Variants in CHADL observed in about 807,000 individuals in gnomAD.
CHADL encodes chondroadherin-like protein.
CHADL carries 48 observed loss-of-function variants against 52.1 expected under a neutral mutation model. The ratio of observed to expected loss-of-function variants is 0.92; its 90% CI spans 0.73 to 1.17. The LOEUF (loss-of-function observed/expected upper bound fraction) is 1.17, where lower values mean the gene tolerates loss of function less well. Among genes scored for constraint, CHADL ranks in the 50% most tolerant of loss-of-function variants. CHADL has a pLI of 0.00. For missense variants in CHADL, 977 were observed against 1,035.1 expected, an observed-to-expected ratio of 0.94 and a Z score of 0.77; for synonymous variants, 498 against 511.2, an observed-to-expected ratio of 0.97 and a Z score of 0.35.
Position 41,238,860 on chromosome 22 carries a change from CCCTGCAGGTCCAG to C in CHADL, c.199_211del (p.Leu67AlafsTer4). 6.5e-7 allele frequency: 1 copy of C among 1,539,792 alleles called. No individual in the cohort carries two copies. Among genetic ancestry groups the C allele is most frequent in the Non-Finnish European group, 8.8e-7 (1 of 1,138,868 alleles). ...TGCGGGGATCACCTTCAGCAAATTG[CCCTGCAGGTCCAG>C]CCGCTGGGTCAGCTGGGGACAGCGA... is the stretch of plus-strand genomic sequence containing the variant. On this transcript the variant is annotated frameshift_variant, in exon 3 of 6. Transcript: ENST00000216241. LOFTEE classifies it high-confidence loss of function. This position sits in a 1 kb window ranked among gnomAD's most constrained non-coding sequence, Gnocchi z 4.9.
chr22:41,239,405 C>T (rs2032821366), intron 2 of CHADL, 38 bp downstream of exon 2: 1 of 1,537,378 alleles, frequency 6.5e-7, no homozygotes, highest in African/African-American at 1.4e-5. Context: ...CCACCTTGCC[C>T]CACTGCCACT....
Position 41,237,837 on chromosome 22 carries a change from T to C in CHADL, c.1235A>G (p.Glu412Gly), listed in dbSNP as rs1301323097. The C allele has an allele frequency of 7.5e-7, 1 of 1,334,038 alleles. No individual in the cohort carries two copies. Among genetic ancestry groups the C allele is most frequent in the Non-Finnish European group, 9.7e-7 (1 of 1,030,698 alleles). The allele number at this position is 1,334,038 out of a possible 1,614,324, so 82.6% of individuals were successfully genotyped here. A position where few individuals can be genotyped will look rare whatever the true frequency, so the allele number is the denominator to read the frequency against. ...CVPESRHSSCEGCGLQAVPRG... is the reference protein window; with the variant it reads ...CVPESRHSSCGGCGLQAVPRG... ...GGGCACCGCCTGCAGGCCGCAGCCC[T>C]CGCAGCTGCTGTGCCGGGACTCGGG... Residue 412 changes from glutamate (E) to glycine (G), a missense_variant, in exon 3 of 6, where the codon GAG becomes GGG. Transcript: ENST00000216241.
At chr22:41,234,747 G>T (rs1284786061) in intron 5 of CHADL, among the ~76,000 whole-genome samples, 2 of 152,136 alleles carry the variant, frequency 1.3e-5, no homozygotes, top group Non-Finnish European at 2.9e-5. Context: ...GTAGAGACAG[G>T]GTTTCACCGT....
intron 5 of CHADL, chr22:41,230,376 C>A: frequency 2.8e-6 from 2 of 720,132 alleles, no homozygotes; most frequent in South Asian, 1.7e-5. Flanking sequence ...CTGCCCGGTG[C>A]TGTGAAGGCT....
At chr22:41,235,417 G>A (rs779232221) in intron 4 of CHADL, 74 bp from the exon 5 acceptor site, 23 of 1,240,100 alleles carry the variant, frequency 1.9e-5, no homozygotes, top group Non-Finnish European at 2.6e-5. Flanking sequence ...TGGGCACTGG[G>A]TGTGGGGCAG....
intron 1 of CHADL, among the ~76,000 whole-genome samples, chr22:41,240,015 G>A (rs988951539): frequency 6.6e-6 from 1 of 152,140 alleles, no homozygotes; most frequent in African/African-American, 2.4e-5. Context: ...GCTCCCAGGT[G>A]GCAGGAGCAT....
intron 5 of CHADL, among the ~76,000 whole-genome samples, chr22:41,231,502 C>T (rs184320015): frequency 3.3e-5 from 5 of 152,364 alleles, no homozygotes; most frequent in South Asian, 2.1e-4. Flanking sequence ...AGCCTGTGTC[C>T]GCCTGTGCGT....
At chr22:41,232,267 G>A (rs1479690506) in intron 5 of CHADL, among the ~76,000 whole-genome samples, 1 of 151,804 alleles carries the variant, frequency 6.6e-6, no homozygotes, top group Non-Finnish European at 1.5e-5. Context: ...GGGGGGCGGA[G>A]GTGGCAATGA....
chr22:41,238,304 C>G lies in CHADL; in HGVS notation c.768G>C (p.Leu256=). The G allele has an allele frequency of 6.5e-7, 1 of 1,527,866 alleles. No homozygotes were observed. The highest frequency in any genetic ancestry group is 8.7e-7 in the Non-Finnish European group (1 of 1,143,560). The allele number at this position is 1,527,866 out of a possible 1,614,324, so 94.6% of individuals were successfully genotyped here. The change falls in exon 3 of 6, where the codon CTG becomes CTC. Residue 256 remains leucine (L), a synonymous_variant. Transcript: ENST00000216241. The surrounding 1 kb of genome is among the most constrained non-coding windows in gnomAD (Gnocchi z 4.9). ...GEEDGLALPG[L]RELLLDGGAL... ...CCCCGCCGTCCAGCAGCAGCTCCCG[C>G]AGGCCGGGCAGCGCCAGCCCGTCCT... is the stretch of plus-strand genomic sequence containing the variant.
chr22:41,240,709 C>G (rs1569160663), intron 1 of CHADL, 165 bp downstream of exon 1: 1 of 723,596 alleles, frequency 1.4e-6, no homozygotes, highest in African/African-American at 1.8e-5. Flanking sequence ...CACATTGCCA[C>G]GTGTCTCAGA....
Position 41,236,596 on chromosome 22 carries a change from G to A in CHADL, c.1951C>T (p.Gln651Ter). ...GGCAGGGCCCGAAGCTGGTTCTTCTGCAGGTGCAGGCTCTGGAGCCCGGGC... is the reference window on the plus strand; with the variant it reads ...GGCAGGGCCCGAAGCTGGTTCTTCTACAGGTGCAGGCTCTGGAGCCCGGGC... Reference protein sequence around the residue: ...LGPGLQSLHLQKNQLRALPAL... With the variant: ...LGPGLQSLHL The change falls in exon 4 of 6, where the codon CAG becomes TAG. Residue 651 changes from glutamine (Q) to a stop codon, truncating the protein, a stop_gained. Coordinates refer to ENST00000216241, the MANE Select transcript of CHADL (RefSeq NM_138481.2). LOFTEE classifies it high-confidence loss of function. The A allele has an allele frequency of 4.5e-6, 7 of 1,551,058 alleles. No individual in the cohort carries two copies. The highest frequency in any genetic ancestry group is 6.1e-6 in the Non-Finnish European group (7 of 1,146,986).
chr22:41,234,268 T>G (rs1332724025), intron 5 of CHADL, among the ~76,000 whole-genome samples: 1 of 152,186 alleles, frequency 6.6e-6, no homozygotes, highest in African/African-American at 2.4e-5. Flanking sequence ...GAAAGGCCAC[T>G]GTCCCACAGC....
chr22:41,235,398 T>C lies in CHADL; in HGVS notation c.2064-55A>G. 2.1e-6 allele frequency: 3 copies of C among 1,438,844 alleles called. No homozygotes were observed. The South Asian group carries it at 3.7e-5, about 18-fold the overall frequency. 89.1% of individuals were successfully genotyped at this position (1,438,844 alleles called of 1,614,324 possible). ...CTGTGCTGATTCTGCTCCAGTGGCC[T>C]GGAGCAGGTGGGCACTGGGTGTGGG... On this transcript the variant is annotated intron_variant, in intron 4 of 5. Transcript: ENST00000216241.
chr22:41,238,263 C>G lies in CHADL; in HGVS notation c.809G>C (p.Gly270Ala), dbSNP rs2032787845. The G allele has an allele frequency of 5.9e-6, 9 of 1,530,486 alleles. No homozygotes were observed. Among genetic ancestry groups the G allele is most frequent in the Non-Finnish European group, 7.0e-6 (8 of 1,144,936 alleles). The allele number at this position is 1,530,486 out of a possible 1,614,324, so 94.8% of individuals were successfully genotyped here. A position where few individuals can be genotyped will look rare whatever the true frequency, so the allele number is the denominator to read the frequency against. Residue 270 changes from glycine to alanine, a missense_variant, in exon 3 of 6, where the codon GGT becomes GCT. Coordinates refer to ENST00000216241, the MANE Select transcript of CHADL (RefSeq NM_138481.2). This position sits in a 1 kb window ranked among gnomAD's most constrained non-coding sequence, Gnocchi z 4.9. ...LLDGGALQAL[G>A]PRAFAHCPRL... ...CGGACAGTGTGCGAAGGCCCTGGGA[C>G]CCAGGGCCTGCAGGGCCCCGCCGTC...
In CHADL at chr22:41,232,226, G is replaced by A. The variant is rs1371302592; in HGVS notation, c.2263-2496C>T. Among the ~76,000 whole-genome samples the A allele has an allele frequency of 3.9e-5, 6 of 152,072 alleles. No homozygotes were observed. In the South Asian group the frequency reaches 1.0e-3, roughly 26 times the overall value. On this transcript the variant is annotated intron_variant, in intron 5 of 5. Transcript: ENST00000216241. ...AGTCACCTGTAATCCCAGCTACTCG[G>A]GAGGCTGAGGCAGGAGAATCACTTG...
At chr22:41,230,033 C>G in intron 5 of CHADL, 1 of 823,652 alleles carries the variant, frequency 1.2e-6, no homozygotes, top group East Asian at 2.6e-5. Flanking sequence ...AAGGTGCATC[C>G]TAGGCCCCCA....
chr22:41,236,663 G>A lies in CHADL; in HGVS notation c.1897-13C>T, dbSNP rs1349367618. On this transcript the variant is annotated splice_polypyrimidine_tract_variant and intron_variant, in intron 3 of 5. Coordinates refer to ENST00000216241, the MANE Select transcript of CHADL (RefSeq NM_138481.2). ...CCCCAGGACAAATCTGCAAGGAGTTGCCAGGCCCCAATGTGAGCTCCTGGC... is the reference window on the plus strand; with the variant it reads ...CCCCAGGACAAATCTGCAAGGAGTTACCAGGCCCCAATGTGAGCTCCTGGC... 6.5e-7 allele frequency: 1 copy of A among 1,543,946 alleles called. No homozygotes were observed. The highest frequency in any genetic ancestry group is 1.4e-5 in the African/African-American group (1 of 73,014).
intron 5 of CHADL, among the ~76,000 whole-genome samples, chr22:41,232,258 G>A (rs970733712): frequency 6.6e-6 from 1 of 151,932 alleles, no homozygotes; most frequent in African/African-American, 2.4e-5. Context: ...CTTGAACCTG[G>A]GGGGCGGAGG....
Position 41,229,738 on chromosome 22 carries a change from C to T in CHADL, c.2263-8G>A, listed in dbSNP as rs1327455231. On this transcript the variant is annotated splice_region_variant and splice_polypyrimidine_tract_variant and intron_variant, in intron 5 of 5. Coordinates refer to ENST00000216241, the MANE Select transcript of CHADL (RefSeq NM_138481.2). ...ACCCTTCTCCTTCCCCACCTGGGCACAGAAGAGTAGAGTCAGGTTTCTTTG... is the reference window on the plus strand; with the variant it reads ...ACCCTTCTCCTTCCCCACCTGGGCATAGAAGAGTAGAGTCAGGTTTCTTTG... The T allele has an allele frequency of 3.7e-6, 6 of 1,609,432 alleles. No individual in the cohort carries two copies. Among genetic ancestry groups the T allele is most frequent in the Non-Finnish European group, 5.1e-6 (6 of 1,178,578 alleles).
Sources: gnomAD v4.1 joint callset for allele counts (sites outside exome capture counted in the v4.1 genomes callset) on GRCh38, gnomAD v4.1.1 for gene constraint, Gnocchi (gnomAD v3.1) non-coding constraint, MANE v1.5 for transcripts, NCBI Gene and HGNC (gene_info 2026-07-23, HGNC 2026-07-21) for gene names.